Variants in MDN1 observed in about 807,000 individuals in gnomAD.
MDN1 encodes the protein midasin AAA ATPase 1.
In MDN1, 266 loss-of-function variants were observed where a neutral mutation model predicts 669.2. That is an observed-to-expected ratio of 0.40 (90% CI 0.36 to 0.44). The LOEUF (loss-of-function observed/expected upper bound fraction) is 0.44, where lower values mean the gene tolerates loss of function less well. Among genes scored for constraint, MDN1 ranks in the 20% least tolerant of loss-of-function variants. The pLI is 1.00. For missense variants in MDN1, 5,940 were observed against 6,754.0 expected (o/e 0.88, Z 4.22); for synonymous variants, 2,385 against 2,457.1 (o/e 0.97, Z 0.87).
At position 89,708,599 on chromosome 6, in the gene MDN1, A is replaced by T; in HGVS notation, c.7795T>A (p.Trp2599Arg). 6.2e-7 allele frequency: 1 copy of T among 1,614,102 alleles called. No individual in the cohort carries two copies. The highest frequency in any genetic ancestry group is 1.1e-5 in the South Asian group (1 of 91,078). ...ATCATGTCCAGAGCCTGCATATTCCATCGGGGATCCAGAGGGATCACAAAT... is the reference window on the plus strand; with the variant it reads ...ATCATGTCCAGAGCCTGCATATTCCTTCGGGGATCCAGAGGGATCACAAAT... ...DEFVIPLDPR[W>R]NMQALDMIRN... The change falls in exon 51 of 102, where the codon TGG (tryptophan) becomes AGG (arginine). Residue 2599 changes from tryptophan to arginine, a missense_variant. By Grantham distance (101) the Trp-to-Arg change is moderately radical (BLOSUM62 -3). Coordinates refer to ENST00000369393, the MANE Select transcript of MDN1 (RefSeq NM_014611.3).
chr6:89,718,414 A>T lies in MDN1; in HGVS notation c.6535T>A (p.Leu2179Met). ...EIVNKLEAVL[L>M]LMQRLNNKIN... ...TTATTGTTGAGTCGCTGCATAAGCA[A>T]TAACACTGCTTCTAGTTTGTTGACA... is the stretch of plus-strand genomic sequence containing the variant. The change falls in exon 43 of 102, where the codon TTG (leucine) becomes ATG (methionine). Residue 2179 changes from leucine to methionine, a missense_variant. Leu to Met is a conservative substitution (Grantham distance 15). Around this residue, in one of 5 missense-constraint regions of MDN1, gnomAD observed 2,292 missense variants for 2,638.3 expected, o/e 0.87. Transcript: ENST00000369393. The T allele has an allele frequency of 6.2e-7, 1 of 1,614,066 alleles. No individual in the cohort carries two copies. The highest frequency in any genetic ancestry group is 2.2e-5 in the East Asian group (1 of 44,890).
rs575783417 is a variant in MDN1 at position 89,695,298 on chromosome 6, C to T, written c.9771+307G>A. ...AGCTCAGGTAGAGAGAGTCCAGAGA[C>T]AGTGAGAGGTACCACTATTTCTGAC... On this transcript the variant is annotated intron_variant, in intron 61 of 101. Coordinates refer to ENST00000369393, the MANE Select transcript of MDN1 (RefSeq NM_014611.3). This position sits in a 1 kb window ranked among gnomAD's most constrained non-coding sequence, Gnocchi z 4.1. Among the ~76,000 whole-genome samples, 1 of 152,310 alleles carries T rather than the reference C, an allele frequency of 6.6e-6. No individual in the cohort carries two copies. The highest frequency in any genetic ancestry group is 1.9e-4 in the East Asian group (1 of 5,176).
intron 15 of MDN1, among the ~76,000 whole-genome samples, chr6:89,768,941 C>T (rs1817946564): frequency 6.6e-6 from 1 of 151,846 alleles, no homozygotes; most frequent in South Asian, 2.1e-4. Flanking sequence ...AGTCCCACAG[C>T]TGCTCAGGAG....
intron 34 of MDN1, among the ~76,000 whole-genome samples, chr6:89,732,096 C>T (rs141982304): frequency 5.8e-4 from 88 of 152,150 alleles, no homozygotes; most frequent in African/African-American, 1.7e-3. Flanking sequence ...AAAATAAAGG[C>T]TCTCGTGCCC....
chr6:89,781,957 C>G (rs1372430526), intron 9 of MDN1, among the ~76,000 whole-genome samples: 1 of 152,118 alleles, frequency 6.6e-6, no homozygotes, highest in Non-Finnish European at 1.5e-5. Flanking sequence ...GGTGACAGAA[C>G]AAGACCCTGT....
Position 89,724,235 on chromosome 6 carries a change from C to T in MDN1, c.5671-616G>A, listed in dbSNP as rs956007830. On this transcript the variant is annotated intron_variant, in intron 38 of 101. Transcript: ENST00000369393. ...TCTGGGTGGTAGATACGAGTATTCA[C>T]TATAAAAGTCATCCAATTTTTCCAT... Among the ~76,000 whole-genome samples, 4 of 152,116 alleles carry T rather than the reference C, an allele frequency of 2.6e-5. No individual in the cohort carries two copies. In the South Asian group the frequency reaches 8.3e-4, roughly 32 times the overall value.
chr6:89,799,453 C>T (rs1490780101), intron 2 of MDN1, among the ~76,000 whole-genome samples: 4 of 152,228 alleles, frequency 2.6e-5, no homozygotes, highest in African/African-American at 9.6e-5. Context: ...GAGGCCGAGG[C>T]GGGTGGATCA....
chr6:89,729,466 T>C (rs1437298736), intron 35 of MDN1, among the ~76,000 whole-genome samples: 1 of 152,172 alleles, frequency 6.6e-6, no homozygotes, highest in Non-Finnish European at 1.5e-5. Flanking sequence ...ACAATTTACC[T>C]TCATAGTTAC....
chr6:89,796,324 C>CAAAAAAAAAAAAAAAAAAACA (rs1819593762), intron 2 of MDN1, among the ~76,000 whole-genome samples: 2 of 45,392 alleles, frequency 4.4e-5, no homozygotes, highest in African/African-American at 1.5e-4. Context: ...AACTCTGTCT[C>CAAAAAAAAAAAAAAAAAAACA]AAAAAAAAAA....
At chr6:89,713,445 C>A in intron 46 of MDN1, 149 bp from the exon 47 acceptor site, 1 of 678,636 alleles carries the variant, frequency 1.5e-6, no homozygotes, top group South Asian at 2.1e-5. Flanking sequence ...ACTCTAGAGT[C>A]CTCCGAGGGC....
intron 99 of MDN1, 22 bp from the exon 100 acceptor site, chr6:89,646,625 A>G (rs546970078): frequency 2.4e-5 from 38 of 1,605,690 alleles, no homozygotes; most frequent in Non-Finnish European, 3.1e-5. Context: ...CCAGGAATAG[A>G]CAATTAGAAA....
chr6:89,793,746 A>T lies in MDN1; in HGVS notation c.855+16T>A, dbSNP rs1819407963. 2 of 1,607,884 alleles carry T rather than the reference A, an allele frequency of 1.2e-6. No individual in the cohort carries two copies. The highest frequency in any genetic ancestry group is 2.7e-5 in the African/African-American group (2 of 74,804). Reference sequence around the variant, plus strand: ...GTAGGGGGAAGGGGACACACCCCCTACTGATACCAACATACCAGCTCTCCA... The same window carrying T: ...GTAGGGGGAAGGGGACACACCCCCTTCTGATACCAACATACCAGCTCTCCA... On this transcript the variant is annotated intron_variant, in intron 5 of 101. Transcript: ENST00000369393.
chr6:89,764,203 A>G (rs1817691225), intron 15 of MDN1, among the ~76,000 whole-genome samples: 1 of 152,202 alleles, frequency 6.6e-6, no homozygotes, highest in Non-Finnish European at 1.5e-5. Flanking sequence ...GCAACAGAGC[A>G]AGAACTCATC....
At chr6:89,732,071 AC>A (rs1406420281) in intron 34 of MDN1, among the ~76,000 whole-genome samples, 1 of 152,130 alleles carries the variant, frequency 6.6e-6, no homozygotes, top group African/African-American at 2.4e-5. Context: ...AAATACAAAA[AC>A]AAAACTTGCA....
chr6:89,675,940 A>G (rs1223677006), intron 77 of MDN1, among the ~76,000 whole-genome samples, 162 bp downstream of exon 77: 1 of 152,244 alleles, frequency 6.6e-6, no homozygotes, highest in African/African-American at 2.4e-5. Context: ...ATTTTGCACA[A>G]AATTACATTG....
intron 27 of MDN1, among the ~76,000 whole-genome samples, chr6:89,746,860 C>T (rs1816664445): frequency 6.6e-6 from 1 of 152,188 alleles, no homozygotes; most frequent in Non-Finnish European, 1.5e-5. Flanking sequence ...TGTATCCTAT[C>T]ACAAACAGTA....
rs141324207 is a variant in MDN1, at chr6:89,651,498, C to T, written c.15916-651G>A. 5.4e-3 allele frequency among the ~76,000 whole-genome samples: 815 copies of T among 152,216 alleles called. 33 individuals are homozygous for T. The highest frequency in any genetic ancestry group is 0.049 in the Admixed American group (756 of 15,280). On this transcript the variant is annotated intron_variant, in intron 95 of 101. Coordinates refer to ENST00000369393, the MANE Select transcript of MDN1 (RefSeq NM_014611.3). Reference sequence around the variant, plus strand: ...GGGCGTGGTGGCAAGTGCCTGTAATCCCAGCTACTTGGGAGGCTGAGGCAC... The same window carrying T: ...GGGCGTGGTGGCAAGTGCCTGTAATTCCAGCTACTTGGGAGGCTGAGGCAC...
chr6:89,650,685 G>C, intron 96 of MDN1, 47 bp downstream of exon 96: 1 of 1,415,518 alleles, frequency 7.1e-7, no homozygotes, highest in South Asian at 1.2e-5. Context: ...CAATGAAGCT[G>C]CCGTCTTCTC....
At chr6:89,708,776 C>T in intron 50 of MDN1, 148 bp from the exon 51 acceptor site, 1 of 822,988 alleles carries the variant, frequency 1.2e-6, no homozygotes, top group East Asian at 2.5e-5. Context: ...CCATGAGTTT[C>T]ATCCCATAAT....
Sources: allele counts gnomAD v4.1 joint callset (sites outside exome capture counted in the v4.1 genomes callset), GRCh38; gene constraint gnomAD v4.1.1; regional missense constraint gnomAD v4.1.1; non-coding constraint Gnocchi (gnomAD v3.1); transcripts MANE v1.5; gene names NCBI Gene and HGNC (gene_info 2026-07-23, HGNC 2026-07-21).